The following CACNG5 variants were observed in gnomAD, a reference collection of about 807,000 sequenced individuals.
CACNG5 encodes calcium voltage-gated channel auxiliary subunit gamma 5, also known as voltage-dependent calcium channel gamma-5 subunit.
CACNG5 carries 18 observed loss-of-function variants against 24.8 expected under a neutral mutation model. The observed-to-expected ratio is 0.73, with a 90% CI of 0.50 to 1.08. The LOEUF (loss-of-function observed/expected upper bound fraction) is 1.08. CACNG5 is among the 50% of genes least tolerant of loss of function. The pLI, the probability that CACNG5 is intolerant of heterozygous loss-of-function variation, is 0.00. For synonymous variants in CACNG5, 157 were observed against 149.1 expected (o/e 1.05, Z -0.39); for missense variants, 349 against 367.9 (o/e 0.95, Z 0.42).
intron 1 of CACNG5, among the ~76,000 whole-genome samples, chr17:66,875,898 G>T (rs1177140750): frequency 1.3e-5 from 2 of 152,176 alleles, no homozygotes; most frequent in African/African-American, 4.8e-5. Flanking sequence ...TCTAGAGATG[G>T]CTCTGCCTGC....
At chr17:66,853,676 T>C (rs1417748590) in intron 1 of CACNG5, among the ~76,000 whole-genome samples, 1 of 152,078 alleles carries the variant, frequency 6.6e-6, no homozygotes, top group African/African-American at 2.4e-5. Context: ...CATTACAAAA[T>C]CTATAAATAT....
At position 66,885,525 on chromosome 17, in the gene CACNG5, C is replaced by T. The variant is rs995883681; in HGVS notation, c.*285C>T. The T allele has an allele frequency of 1.4e-5, 6 of 424,604 alleles. No individual in the cohort carries two copies. The highest frequency in any genetic ancestry group is 1.1e-4 in the African/African-American group (5 of 43,798). 26.3% of individuals were successfully genotyped at this position (424,604 alleles called of 1,614,324 possible). On this transcript the variant is annotated 3_prime_UTR_variant, in exon 6 of 6. Transcript: ENST00000533854. ...AGCAGTGGCTCCAGGAAGCCAGCAG[C>T]TCCCCCCAAGCCCAGGAGACACCGA...
rs772462223 is a variant in CACNG5 at position 66,880,642 on chromosome 17, C to A, written c.369C>A (p.Ile123=). The change falls in exon 4 of 6, where the codon ATC becomes ATA. Residue 123 remains isoleucine, a synonymous_variant. Transcript: ENST00000533854. ...IGFILNNIGH[I]RPHRTILAFV... ...TTATCCTGAACAACATCGGACACAT[C>A]CGTCCCCACCGGACGATACTGGCCT... 1 of 1,614,114 alleles carries A rather than the reference C, an allele frequency of 6.2e-7. No individual in the cohort carries two copies. The highest frequency in any genetic ancestry group is 8.5e-7 in the Non-Finnish European group (1 of 1,179,916).
intron 1 of CACNG5, among the ~76,000 whole-genome samples, chr17:66,841,704 G>A (rs1976571191): frequency 6.6e-6 from 1 of 152,184 alleles, no homozygotes; most frequent in South Asian, 2.1e-4. Context: ...GTGACTCAGT[G>A]CGTGAGCTTA....
At chr17:66,857,455 T>C (rs533013038) in intron 1 of CACNG5, among the ~76,000 whole-genome samples, 62 of 152,316 alleles carry the variant, frequency 4.1e-4, no homozygotes, top group South Asian at 1.5e-3. Flanking sequence ...TCTAAAAAAG[T>C]ATAAAGACAC....
At chr17:66,846,479 C>G (rs543270723) in intron 1 of CACNG5, among the ~76,000 whole-genome samples, 1 of 152,178 alleles carries the variant, frequency 6.6e-6, no homozygotes, top group Non-Finnish European at 1.5e-5. Flanking sequence ...GAATTATAAT[C>G]ATACAACAAG....
rs577213566 is a variant in CACNG5, at chr17:66,890,945, C to G, written c.*5705C>G. Among the ~76,000 whole-genome samples, 33 of 152,302 alleles carry G rather than the reference C, an allele frequency of 2.2e-4. No homozygotes were observed. Among genetic ancestry groups the G allele is most frequent in the African/African-American group, 7.5e-4 (31 of 41,552 alleles). On this transcript the variant is annotated 3_prime_UTR_variant, in exon 6 of 6. Coordinates refer to ENST00000533854, the MANE Select transcript of CACNG5 (RefSeq NM_145811.3). ...TGGAATTTAGCTAAGAGATCAGATA[C>G]TTGCAGCACCCCAAGGAAGAATAAG...
In CACNG5 at chr17:66,847,354, G is replaced by T. The variant is rs146320208; in HGVS notation, c.-104+12104G>T. Among the ~76,000 whole-genome samples the T allele has an allele frequency of 1.6e-4, 25 of 152,296 alleles. No homozygotes were observed. The South Asian group carries it at 4.6e-3, about 28-fold the overall frequency. ...TACCTGAGGCTGGATAATTTATAAA[G>T]AAAAAGAGATTTAATGGACTCAGAG... On this transcript the variant is annotated intron_variant, in intron 1 of 5. Transcript: ENST00000533854.
chr17:66,859,599 C>T (rs892999965), intron 1 of CACNG5, among the ~76,000 whole-genome samples: 8 of 152,168 alleles, frequency 5.3e-5, no homozygotes, highest in African/African-American at 1.9e-4. Flanking sequence ...GGCGCCGAGG[C>T]TGGCTCCAAG....
Position 66,878,987 on chromosome 17 carries a change from G to T in CACNG5, c.212G>T (p.Arg71Leu). ...VCFLAGEERG[R>L]CFTIEYVMPM... ...GTCTCCACAGGTGAGGAGCGGGGGCGTTGCTTCACCATAGAATATGTGATG... is the reference window on the plus strand; with the variant it reads ...GTCTCCACAGGTGAGGAGCGGGGGCTTTGCTTCACCATAGAATATGTGATG... The change falls in exon 3 of 6, where the codon CGT (arginine) becomes CTT (leucine). Residue 71 changes from arginine to leucine, a missense_variant. Arg to Leu is a moderately radical substitution (Grantham distance 102). Transcript: ENST00000533854. The T allele has an allele frequency of 6.2e-7, 1 of 1,613,070 alleles. No individual in the cohort carries two copies. The highest frequency in any genetic ancestry group is 1.1e-5 in the South Asian group (1 of 90,944).
At chr17:66,855,836 A>G (rs1976768800) in intron 1 of CACNG5, among the ~76,000 whole-genome samples, 1 of 152,254 alleles carries the variant, frequency 6.6e-6, no homozygotes, top group African/African-American at 2.4e-5. Flanking sequence ...AAGAAACTGA[A>G]GTAGAAAGGA....
intron 1 of CACNG5, among the ~76,000 whole-genome samples, chr17:66,863,169 C>T (rs1976887786): frequency 6.6e-6 from 1 of 152,044 alleles, no homozygotes; most frequent in South Asian, 2.1e-4. Flanking sequence ...CTTTGCTTTA[C>T]CCAACAAGTT....
chr17:66,847,413 T>G (rs556470374), intron 1 of CACNG5, among the ~76,000 whole-genome samples: 2 of 152,302 alleles, frequency 1.3e-5, no homozygotes, highest in South Asian at 4.1e-4. Context: ...ACAATCATGG[T>G]AGAAGGCGAA....
chr17:66,861,019 A>G (rs1191663390), intron 1 of CACNG5, among the ~76,000 whole-genome samples: 1 of 130,962 alleles, frequency 7.6e-6, no homozygotes, highest in East Asian at 2.6e-4. Context: ...TATTGTGCAC[A>G]TGCACGCACA....
Position 66,890,181 on chromosome 17 carries a change from A to G in CACNG5, c.*4941A>G, listed in dbSNP as rs1424604086. 5.9e-5 allele frequency among the ~76,000 whole-genome samples: 9 copies of G among 152,186 alleles called. No homozygotes were observed. Among genetic ancestry groups the G allele is most frequent in the Non-Finnish European group, 1.0e-4 (7 of 68,002 alleles). ...TGGATGAGTGGATTCTGTCTAATGC[A>G]CCTGTGCCTGAGGCCCGGCTAGCAC... On this transcript the variant is annotated 3_prime_UTR_variant, in exon 6 of 6. Transcript: ENST00000533854.
intron 1 of CACNG5, among the ~76,000 whole-genome samples, chr17:66,870,959 T>A (rs1175909081): frequency 6.6e-6 from 1 of 150,638 alleles, no homozygotes; most frequent in African/African-American, 2.4e-5. Flanking sequence ...CCAGCCTGGA[T>A]GACAGGGTGA....
intron 1 of CACNG5, among the ~76,000 whole-genome samples, chr17:66,854,108 T>C (rs1976740310): frequency 1.3e-5 from 2 of 152,206 alleles, no homozygotes; most frequent in Non-Finnish European, 2.9e-5. Flanking sequence ...TAAATTTAAA[T>C]TTAAGAATGT....
intron 1 of CACNG5, among the ~76,000 whole-genome samples, chr17:66,866,804 C>A (rs747650971): frequency 1.3e-5 from 2 of 152,162 alleles, no homozygotes; most frequent in Non-Finnish European, 2.9e-5. Context: ...TGATCTCATT[C>A]CTTTTTAAGG....
intron 1 of CACNG5, among the ~76,000 whole-genome samples, chr17:66,839,830 C>G (rs1010555304): frequency 6.6e-6 from 1 of 152,144 alleles, no homozygotes; most frequent in Admixed American, 6.5e-5. Flanking sequence ...CAGGGCTGTT[C>G]CGCGCACGTG....
Sources: gnomAD v4.1 joint callset for allele counts (sites outside exome capture counted in the v4.1 genomes callset) on GRCh38, gnomAD v4.1.1 for gene constraint, MANE v1.5 for transcripts, NCBI Gene and HGNC (gene_info 2026-07-23, HGNC 2026-07-21) for gene names.